Variants in SIDT1 observed in about 807,000 individuals in gnomAD.
The protein encoded by SIDT1 is SID1 transmembrane family member 1.
SIDT1 carries 101 observed loss-of-function variants against 107.5 expected under a neutral mutation model. The observed-to-expected ratio is 0.94, with a 90% CI of 0.80 to 1.11. SIDT1 has a LOEUF of 1.11. Among genes scored for constraint, SIDT1 ranks in the 50% least tolerant of loss-of-function variants. The pLI, the probability that SIDT1 is intolerant of heterozygous loss-of-function variation, is 0.00. For synonymous variants in SIDT1, 395 were observed against 398.2 expected, an observed-to-expected ratio of 0.99 and a Z score of 0.10; for missense variants, 1,076 against 1,058.2, an observed-to-expected ratio of 1.02 and a Z score of -0.23.
chr3:113,554,803 C>A, intron 1 of SIDT1, among the ~76,000 whole-genome samples: 1 of 151,418 alleles, frequency 6.6e-6, no homozygotes, highest in East Asian at 2.0e-4. Context: ...CTTTCTCATC[C>A]CCCCTCTTAT....
chr3:113,635,880 A>C, the SIDT1 span, among the ~76,000 whole-genome samples: 1 of 152,092 alleles, frequency 6.6e-6, no homozygotes, highest in East Asian at 1.9e-4. Flanking sequence ...TCTCAAAAAA[A>C]AAAAAAGAAA....
At chr3:113,614,989 G>A in intron 19 of SIDT1, 2 of 1,475,982 alleles carry the variant, frequency 1.4e-6, no homozygotes, top group Non-Finnish European at 1.8e-6. Context: ...ATGACCAGTA[G>A]TTTACATGTT....
chr3:113,608,691 T>C (rs1240262717), intron 17 of SIDT1, among the ~76,000 whole-genome samples, 155 bp downstream of exon 17: 6 of 152,210 alleles, frequency 3.9e-5, no homozygotes, highest in Admixed American at 2.0e-4. Context: ...CATGACCTAA[T>C]TGAGCAGTTA....
At chr3:113,581,019 A>G (rs1469624033) in intron 5 of SIDT1, among the ~76,000 whole-genome samples, 1 of 152,222 alleles carries the variant, frequency 6.6e-6, no homozygotes, top group Non-Finnish European at 1.5e-5. Flanking sequence ...GAAAGCTAAA[A>G]TTGAACCCTA....
intron 1 of SIDT1, among the ~76,000 whole-genome samples, chr3:113,560,837 G>A (rs1248328695): frequency 6.6e-6 from 1 of 151,692 alleles, no homozygotes; most frequent in East Asian, 1.9e-4. Flanking sequence ...TTATAATTTT[G>A]AACCTTTCCC....
chr3:113,576,939 A>T lies in SIDT1; in HGVS notation c.533A>T (p.His178Leu), dbSNP rs560378317. The T allele has an allele frequency of 3.1e-6, 5 of 1,614,036 alleles. No individual in the cohort carries two copies. The East Asian group carries it at 1.1e-4, about 36-fold the overall frequency. The change falls in exon 4 of 25, where the codon CAC becomes CTC. Residue 178 changes from histidine (H) to leucine (L), a missense_variant. By Grantham distance (99) the His-to-Leu change is moderately conservative. Transcript: ENST00000264852. Reference sequence around the variant, plus strand: ...TTTCTCAGGACAAATGTTGCCTTTCACTTTACTGCCAGCCCCTCTCAACCT... The same window carrying T: ...TTTCTCAGGACAAATGTTGCCTTTCTCTTTACTGCCAGCCCCTCTCAACCT... ...HFQLRTNVAFHFTASPSQPQY... is the reference protein window; with the variant it reads ...HFQLRTNVAFLFTASPSQPQY...
At chr3:113,555,142 G>A (rs963003457) in intron 1 of SIDT1, among the ~76,000 whole-genome samples, 16 of 152,058 alleles carry the variant, frequency 1.1e-4, no homozygotes, top group South Asian at 4.1e-4. Context: ...TTCTCTCACC[G>A]TCTCTCTTCT....
intron 1 of SIDT1, among the ~76,000 whole-genome samples, chr3:113,537,194 C>T (rs1938273873): frequency 6.6e-6 from 1 of 152,072 alleles, no homozygotes; most frequent in South Asian, 2.1e-4. Context: ...GAAATATCTC[C>T]CTGGAAGTAT....
At chr3:113,571,426 C>T (rs1942435627) in intron 3 of SIDT1, among the ~76,000 whole-genome samples, 1 of 151,582 alleles carries the variant, frequency 6.6e-6, no homozygotes, top group Admixed American at 6.6e-5. Context: ...CTGCAAAATT[C>T]CTTTAAAATT....
chr3:113,599,885 C>T (rs1944836126), intron 10 of SIDT1, among the ~76,000 whole-genome samples: 1 of 151,968 alleles, frequency 6.6e-6, no homozygotes, highest in South Asian at 2.1e-4. Flanking sequence ...TTTAGGTGCT[C>T]TTATAACAAC....
At chr3:113,612,012 C>A in intron 18 of SIDT1, 74 bp from the exon 19 acceptor site, 4 of 1,063,604 alleles carry the variant, frequency 3.8e-6, no homozygotes, top group Non-Finnish European at 1.5e-6. Flanking sequence ...CTTACACATA[C>A]AGGAGAGAGG....
At chr3:113,597,971 T>A (rs529791596) in intron 10 of SIDT1, among the ~76,000 whole-genome samples, 12 of 152,232 alleles carry the variant, frequency 7.9e-5, no homozygotes, top group Non-Finnish European at 1.8e-4. Flanking sequence ...GTTTTTGCAT[T>A]CTTAAAAGGC....
chr3:113,635,117 T>A, the SIDT1 span, among the ~76,000 whole-genome samples: 1 of 152,250 alleles, frequency 6.6e-6, no homozygotes, highest in African/African-American at 2.4e-5. Flanking sequence ...AAGCATCAGG[T>A]TACTACTGGG....
rs117491689 is a variant in SIDT1, at chr3:113,614,203, C to T, written c.1967-1897C>T. 5.5e-3 allele frequency among the ~76,000 whole-genome samples: 830 copies of T among 152,274 alleles called. 13 individuals carry two copies. Among genetic ancestry groups the T allele is most frequent in the Admixed American group, 0.032 (496 of 15,290 alleles). On this transcript the variant is annotated intron_variant, in intron 19 of 24. Transcript: ENST00000264852. Reference sequence around the variant, plus strand: ...AGGGAGGACGCCGGCAAAATAAGTCCTCTGAGCTCACTCTCCTTCCTTTGT... The same window carrying T: ...AGGGAGGACGCCGGCAAAATAAGTCTTCTGAGCTCACTCTCCTTCCTTTGT...
At position 113,583,498 on chromosome 3, in the gene SIDT1, T is replaced by G. The variant is rs1943519306; in HGVS notation, c.835+2T>G. 1 of 1,581,508 alleles carries G rather than the reference T, an allele frequency of 6.3e-7. No homozygotes were observed. ...GTGGAGGATCTTTCTTCATCCAGGGTAAGAGCTAGTGAGGAACACTTGGCT... is the reference window on the plus strand; with the variant it reads ...GTGGAGGATCTTTCTTCATCCAGGGGAAGAGCTAGTGAGGAACACTTGGCT... On this transcript the variant is annotated splice_donor_variant, in intron 7 of 24. Transcript: ENST00000264852. LOFTEE classifies it high-confidence loss of function.
rs1269390970 is a variant in SIDT1, at chr3:113,612,147, C to T, written c.1919C>T (p.Ser640Leu). 9.3e-6 allele frequency: 15 copies of T among 1,613,922 alleles called. No individual in the cohort carries two copies. The highest frequency in any genetic ancestry group is 6.7e-5 in the East Asian group (3 of 44,898). ...TTCTCTGCAATCCACGTTCTGGCCTCGCTAGCCCTCAGCACCCAGATATAT... is the reference window on the plus strand; with the variant it reads ...TTCTCTGCAATCCACGTTCTGGCCTTGCTAGCCCTCAGCACCCAGATATAT... ...VIFSAIHVLA[S>L]LALSTQIYYM... Residue 640 changes from serine (S) to leucine (L), a missense_variant, in exon 19 of 25, where the codon TCG (serine) becomes TTG (leucine). Transcript: ENST00000264852.
chr3:113,548,886 T>C (rs551574910), intron 1 of SIDT1, among the ~76,000 whole-genome samples: 3 of 152,252 alleles, frequency 2.0e-5, no homozygotes, highest in African/African-American at 7.2e-5. Flanking sequence ...AGGATGTCCG[T>C]GTCACAAAAA....
chr3:113,608,840 C>T (rs753363539), intron 17 of SIDT1, among the ~76,000 whole-genome samples: 12 of 152,144 alleles, frequency 7.9e-5, no homozygotes, highest in Non-Finnish European at 1.6e-4. Flanking sequence ...TTGATTGTAC[C>T]CAGCCTGTAT....
Position 113,593,004 on chromosome 3 carries a change from G to A in SIDT1, c.1002-1G>A. On this transcript the variant is annotated splice_acceptor_variant, in intron 9 of 24. Transcript: ENST00000264852. LOFTEE classifies it high-confidence loss of function. Reference sequence around the variant, plus strand: ...GAGCATGTGTATGTGCTTGTTTGCAGGTTTCAGAGAAAATCCATTGATGGA... The same window carrying A: ...GAGCATGTGTATGTGCTTGTTTGCAAGTTTCAGAGAAAATCCATTGATGGA... 6.2e-7 allele frequency: 1 copy of A among 1,612,054 alleles called. No homozygotes were observed.
Sources: allele counts gnomAD v4.1 joint callset (sites outside exome capture counted in the v4.1 genomes callset), GRCh38; gene constraint gnomAD v4.1.1; transcripts MANE v1.5; gene names NCBI Gene and HGNC (gene_info 2026-07-23, HGNC 2026-07-21).